The following POLA1 variants were observed in gnomAD, a reference collection of about 807,000 sequenced individuals.
The protein encoded by POLA1 is DNA polymerase alpha 1, catalytic subunit, also known as DNA polymerase alpha catalytic subunit.
Under a neutral mutation model 124.0 loss-of-function variants are expected in POLA1, and 15 were observed. That is an observed-to-expected ratio of 0.12 (90% CI 0.08 to 0.19). The LOEUF is 0.19. Ranked by LOEUF, POLA1 falls within the 10% of genes least tolerant of loss-of-function variation. POLA1 has a pLI of 1.00. For synonymous variants in POLA1, 408 were observed against 389.4 expected (o/e 1.05, Z -0.56); for missense variants, 886 against 1,103.4 (o/e 0.80, Z 2.79).
chrX:24,788,367 TAAA>T (rs1327199435), intron 26 of POLA1: 2 of 1,152,557 alleles, frequency 1.7e-6, no homozygotes, highest in Non-Finnish European at 2.3e-6. Flanking sequence ...AGCTTTTATT[TAAA>T]TGCCATGATC....
chrX:24,942,976 C>T (rs1273383877), intron 36 of POLA1, among the ~76,000 whole-genome samples: 1 of 112,441 alleles, frequency 8.9e-6, no homozygotes, highest in East Asian at 2.8e-4. Flanking sequence ...GGATTACAGG[C>T]GTGAGCCACT....
At chrX:24,851,537 C>G (rs2046561825) in intron 34 of POLA1, among the ~76,000 whole-genome samples, 1 of 113,258 alleles carries the variant, frequency 8.8e-6, no homozygotes, top group Non-Finnish European at 1.9e-5. Context: ...GTCCAGAAGG[C>G]TGATGATAGC....
intron 29 of POLA1, 141 bp from the exon 30 acceptor site, chrX:24,814,838 C>A: frequency 3.9e-6 from 2 of 518,473 alleles, no homozygotes; most frequent in Non-Finnish European, 5.6e-6. Context: ...TCGACATTAA[C>A]CCTCATATTA....
At position 24,895,317 on chromosome X, in the gene POLA1, G is replaced by A. The variant is rs554833362; in HGVS notation, c.4164+7195G>A. On this transcript the variant is annotated intron_variant, in intron 35 of 36. Transcript: ENST00000379068. ...CCAGGATTGCTCTTGTGGCTCCACA[G>A]TGTCATCAGGGCATAGTCTCTTCCT... 2.7e-5 allele frequency among the ~76,000 whole-genome samples: 3 copies of A among 112,153 alleles called. No individual in the cohort carries two copies. In the East Asian group the frequency reaches 8.4e-4, roughly 31 times the overall value.
chrX:24,866,805 T>A, intron 34 of POLA1, among the ~76,000 whole-genome samples: 1 of 112,311 alleles, frequency 8.9e-6, no homozygotes, highest in Non-Finnish European at 1.9e-5. Flanking sequence ...GATAGATAAA[T>A]GTGTTGTTCA....
In POLA1 at chrX:24,821,528, C is replaced by G; in HGVS notation, c.3506C>G (p.Ser1169Cys). The G allele has an allele frequency of 4.2e-6, 5 of 1,199,455 alleles. No homozygotes were observed. Among genetic ancestry groups the G allele is most frequent in the Non-Finnish European group, 4.5e-6 (4 of 884,639 alleles). The change falls in exon 31 of 37, where the codon TCT becomes TGT. Residue 1169 changes from serine (S) to cysteine (C), a missense_variant. Transcript: ENST00000379068. ...PHVHVALWIN[S>C]QGGRKVKAGD... ...GTACATGTTGCCCTCTGGATAAATT[C>G]TCAAGGAGGCAGAAAGGTGAAAGCT... is the stretch of plus-strand genomic sequence containing the variant.
intron 35 of POLA1, among the ~76,000 whole-genome samples, chrX:24,923,220 T>TA: frequency 9.0e-6 from 1 of 111,545 alleles, no homozygotes; most frequent in Non-Finnish European, 1.9e-5. Context: ...GCACTTCCCC[T>TA]AAAAAAAATA....
chrX:24,783,740 T>G (rs1193868469), intron 26 of POLA1, among the ~76,000 whole-genome samples: 1 of 112,147 alleles, frequency 8.9e-6, no homozygotes, highest in Non-Finnish European at 1.9e-5. Flanking sequence ...ACAGTTTTCC[T>G]TACATTACTT....
chrX:24,853,713 G>A lies in POLA1; in HGVS notation c.4047+10036G>A, dbSNP rs1204652499. On this transcript the variant is annotated intron_variant, in intron 34 of 36. Transcript: ENST00000379068. ...TTTTCTTGAGGTTACAGGATCAGTTGGTTAATTTTTGAGAAGATGTCTGCC... is the reference window on the plus strand; with the variant it reads ...TTTTCTTGAGGTTACAGGATCAGTTAGTTAATTTTTGAGAAGATGTCTGCC... 4.5e-5 allele frequency among the ~76,000 whole-genome samples: 5 copies of A among 111,118 alleles called. No homozygotes were observed. The Admixed American group carries it at 4.8e-4, about 11-fold the overall frequency.
At chrX:24,783,911 C>T (rs950155796) in intron 26 of POLA1, among the ~76,000 whole-genome samples, 3 of 111,269 alleles carry the variant, frequency 2.7e-5, no homozygotes, top group African/African-American at 6.5e-5. Flanking sequence ...CTAGTGACTA[C>T]AGTGAGTACA....
chrX:24,872,287 C>A (rs2046875819), intron 34 of POLA1, among the ~76,000 whole-genome samples: 1 of 110,698 alleles, frequency 9.0e-6, no homozygotes, highest in Non-Finnish European at 1.9e-5. Flanking sequence ...ATACACACAA[C>A]CGATTAGAAA....
chrX:24,911,216 T>C (rs780307654), intron 35 of POLA1, among the ~76,000 whole-genome samples: 2 of 111,929 alleles, frequency 1.8e-5, no homozygotes, highest in South Asian at 7.4e-4. Context: ...AAAAACACAA[T>C]ATATACTGTG....
intron 35 of POLA1, among the ~76,000 whole-genome samples, chrX:24,891,524 T>C (rs1421686847): frequency 8.9e-6 from 1 of 111,864 alleles, no homozygotes; most frequent in Non-Finnish European, 1.9e-5. Context: ...TTTCCAAAGA[T>C]AGTTCTAGAG....
At chrX:24,842,645 C>A (rs1486399486) in intron 33 of POLA1, among the ~76,000 whole-genome samples, 3 of 112,266 alleles carry the variant, frequency 2.7e-5, no homozygotes, top group African/African-American at 9.7e-5. Context: ...GCAATACTTG[C>A]TAAATCCTTG....
intron 36 of POLA1, among the ~76,000 whole-genome samples, chrX:24,934,120 C>T (rs1237228319): frequency 1.2e-4 from 13 of 111,866 alleles, no homozygotes; most frequent in African/African-American, 4.2e-4. Flanking sequence ...TGCCTCATCC[C>T]GTGGTGCCTT....
intron 12 of POLA1, 35 bp downstream of exon 12, chrX:24,724,486 TTTG>T (rs775860589): frequency 3.0e-6 from 2 of 666,644 alleles, no homozygotes; most frequent in Non-Finnish European, 4.7e-6. Flanking sequence ...TCCAGCTCTG[TTTG>T]TTGTTTATTT....
rs371782451 is a variant in POLA1 at position 24,768,344 on chromosome X, A to G, written c.2964+19352A>G. 2.1e-4 allele frequency among the ~76,000 whole-genome samples: 23 copies of G among 112,083 alleles called. No homozygotes were observed. In the East Asian group the frequency reaches 5.3e-3, roughly 26 times the overall value. On this transcript the variant is annotated intron_variant, in intron 26 of 36. Transcript: ENST00000379068. ...ATTGGGTGATGAAGCAAGGGTGGTA[A>G]GATGGGGAATGAGGAGGAATTCTTT...
chrX:24,970,235 G>C (rs2048285130), intron 36 of POLA1, among the ~76,000 whole-genome samples: 1 of 111,890 alleles, frequency 8.9e-6, no homozygotes, highest in African/African-American at 3.3e-5. Context: ...AAATGGTGCT[G>C]GGAGAACTGG....
intron 34 of POLA1, among the ~76,000 whole-genome samples, chrX:24,860,171 T>C (rs2046698457): frequency 8.9e-6 from 1 of 112,663 alleles, no homozygotes. Flanking sequence ...TCATATCTTT[T>C]TCCTATTAAC....
Sources: allele counts gnomAD v4.1 joint callset (sites outside exome capture counted in the v4.1 genomes callset), GRCh38; gene constraint gnomAD v4.1.1; transcripts MANE v1.5; gene names NCBI Gene and HGNC (gene_info 2026-07-23, HGNC 2026-07-21).